The following SEMA6A variants were observed in gnomAD, a reference collection of about 807,000 sequenced individuals.
SEMA6A encodes the protein semaphorin-6A.
In SEMA6A, 25 loss-of-function variants were observed where a neutral mutation model predicts 96.8. The observed-to-expected ratio is 0.26, with a 90% confidence interval of 0.19 to 0.36. The LOEUF (loss-of-function observed/expected upper bound fraction) is 0.36, where lower values mean the gene tolerates loss of function less well. Among genes scored for constraint, SEMA6A ranks in the 10% least tolerant of loss-of-function variants. The pLI is 1.00. For missense variants in SEMA6A, 1,363 were observed against 1,323.1 expected (o/e 1.03, Z -0.47); for synonymous variants, 612 against 518.0 (o/e 1.18, Z -2.46).
chr5:116,506,254 C>T (rs892853040), intron 1 of SEMA6A, among the ~76,000 whole-genome samples: 1 of 152,194 alleles, frequency 6.6e-6, no homozygotes, highest in Non-Finnish European at 1.5e-5. Context: ...TATAATTTCA[C>T]ACACACAGCT....
At chr5:116,565,115 G>A (rs754675940) in intron 1 of SEMA6A, among the ~76,000 whole-genome samples, 1 of 152,172 alleles carries the variant, frequency 6.6e-6, no homozygotes, top group Non-Finnish European at 1.5e-5. Flanking sequence ...AGTGACATCA[G>A]CCTCTGTACT....
intron 1 of SEMA6A, among the ~76,000 whole-genome samples, chr5:116,514,856 T>C (rs1363169047): frequency 6.6e-6 from 1 of 152,194 alleles, no homozygotes; most frequent in African/African-American, 2.4e-5. Context: ...TCCCCTTGCA[T>C]CACCCCCAGG....
intron 1 of SEMA6A, among the ~76,000 whole-genome samples, chr5:116,552,708 T>C (rs1459011948): frequency 6.6e-6 from 1 of 152,198 alleles, no homozygotes; most frequent in Non-Finnish European, 1.5e-5. Flanking sequence ...GGGACAGCTA[T>C]GGAAAAGCCT....
At chr5:116,449,075 G>A (rs188169091) in intron 18 of SEMA6A, among the ~76,000 whole-genome samples, 2,630 of 150,704 alleles carry the variant, frequency 0.017, 32 homozygotes, top group Non-Finnish European at 0.029. Flanking sequence ...CAGCCACCCA[G>A]CTGAGTGACT....
At position 116,489,739 on chromosome 5, in the gene SEMA6A, A is replaced by T. The variant is rs1294945156; in HGVS notation, c.536-732T>A. Among the ~76,000 whole-genome samples the T allele has an allele frequency of 2.0e-5, 3 of 152,262 alleles. No homozygotes were observed. The East Asian group carries it at 5.8e-4, about 29-fold the overall frequency. ...TCTTTAGTAATTCATGCTTTGGGGGAGATACGATTGAGGGTAGATCCCAGG... is the reference window on the plus strand; with the variant it reads ...TCTTTAGTAATTCATGCTTTGGGGGTGATACGATTGAGGGTAGATCCCAGG... On this transcript the variant is annotated intron_variant, in intron 7 of 18. Transcript: ENST00000343348.
chr5:116,505,927 G>A (rs148890233), intron 1 of SEMA6A, among the ~76,000 whole-genome samples: 1 of 151,444 alleles, frequency 6.6e-6, no homozygotes, highest in Admixed American at 6.6e-5. Flanking sequence ...TAATTCTCAG[G>A]CATATTGCAA....
chr5:116,478,845 T>C (rs1222697266), intron 12 of SEMA6A, 127 bp from the exon 13 acceptor site: 1 of 898,186 alleles, frequency 1.1e-6, no homozygotes, highest in Non-Finnish European at 1.7e-6. Context: ...TGCATATAAA[T>C]AATGTTCTCA....
At chr5:116,562,928 T>C (rs1454505072) in intron 1 of SEMA6A, 3 of 588,590 alleles carry the variant, frequency 5.1e-6, no homozygotes, top group African/African-American at 3.8e-5. Context: ...CCCTCGGGTA[T>C]GAAGATGGGG....
Position 116,446,902 on chromosome 5 carries a change from T to C in SEMA6A, c.2804A>G (p.Lys935Arg). The C allele has an allele frequency of 6.2e-7, 1 of 1,613,938 alleles. No individual in the cohort carries two copies. The highest frequency in any genetic ancestry group is 8.5e-7 in the Non-Finnish European group (1 of 1,179,884). Residue 935 changes from lysine to arginine, a missense_variant, in exon 19 of 19, where the codon AAA becomes AGA. Coordinates refer to ENST00000343348, the MANE Select transcript of SEMA6A (RefSeq NM_020796.5). ...LTRSHQATTLKRNNTNSSNSS... is the reference protein window; with the variant it reads ...LTRSHQATTLRRNNTNSSNSS... ...ATTGGAGGAGTTAGTGTTGTTTCTT[T>C]TGAGAGTGGTGGCCTGGTGGCTTCT...
intron 1 of SEMA6A, among the ~76,000 whole-genome samples, chr5:116,548,936 G>A (rs1018136810): frequency 2.1e-4 from 32 of 152,312 alleles, no homozygotes; most frequent in African/African-American, 7.0e-4. Context: ...AACAAGTAAA[G>A]CATGATCTTG....
At chr5:116,475,987 T>C (rs1423748502) in intron 15 of SEMA6A, among the ~76,000 whole-genome samples, 1 of 152,220 alleles carries the variant, frequency 6.6e-6, no homozygotes, top group African/African-American at 2.4e-5. Context: ...TTTTTTTCTC[T>C]ATTCTCTTTT....
At chr5:116,534,866 GGACT>G (rs1171139108) in intron 1 of SEMA6A, among the ~76,000 whole-genome samples, 4 of 152,086 alleles carry the variant, frequency 2.6e-5, no homozygotes, top group African/African-American at 9.7e-5. Flanking sequence ...TTCTGCAGAA[GGACT>G]GTCTAGAAGG....
At chr5:116,547,734 T>TAAAAAAA (rs34908253) in intron 1 of SEMA6A, among the ~76,000 whole-genome samples, 45 of 65,532 alleles carry the variant, frequency 6.9e-4, no homozygotes, top group East Asian at 1.1e-3. Context: ...ATCTGATACT[T>TAAAAAAA]AAAAAAAAAA....
chr5:116,458,748 C>G (rs1755175301), intron 18 of SEMA6A, among the ~76,000 whole-genome samples: 1 of 151,906 alleles, frequency 6.6e-6, no homozygotes, highest in African/African-American at 2.4e-5. Flanking sequence ...TTCCTGCTAC[C>G]CTTTCCACAA....
intron 4 of SEMA6A, 45 bp downstream of exon 4, chr5:116,497,282 T>A: frequency 1.7e-6 from 2 of 1,204,888 alleles, no homozygotes; most frequent in Non-Finnish European, 2.4e-6. Context: ...TCAAGAACTA[T>A]CCAAAGGTCC....
chr5:116,482,875 T>C (rs928527299), intron 10 of SEMA6A, among the ~76,000 whole-genome samples: 5 of 152,242 alleles, frequency 3.3e-5, no homozygotes, highest in African/African-American at 1.2e-4. Flanking sequence ...GAGCTAGTGA[T>C]AGAAGTTTCA....
intron 9 of SEMA6A, 58 bp downstream of exon 9, chr5:116,488,050 A>G: frequency 8.9e-7 from 1 of 1,122,972 alleles, no homozygotes; most frequent in Non-Finnish European, 1.3e-6. Context: ...ACATTTGACC[A>G]AAGGTGTGGG....
chr5:116,473,322 C>T (rs149766931), intron 16 of SEMA6A, among the ~76,000 whole-genome samples: 1 of 152,344 alleles, frequency 6.6e-6, no homozygotes, highest in East Asian at 1.9e-4. Flanking sequence ...CTGCCTTTGC[C>T]AAGAGGCAGA....
Position 116,443,823 on chromosome 5 carries a change from C to T in SEMA6A, c.*2790G>A, listed in dbSNP as rs1260557289. On this transcript the variant is annotated 3_prime_UTR_variant, in exon 19 of 19. Transcript: ENST00000343348. ...AGGCACACTCGGGTTTATGGACCCT[C>T]CCCCCACACACAGTGGGGAAAAAAA... 1 of 152,550 alleles carries T rather than the reference C, an allele frequency of 6.6e-6. No individual in the cohort carries two copies. The highest frequency in any genetic ancestry group is 1.5e-5 in the Non-Finnish European group (1 of 68,026). 9.4% of individuals were successfully genotyped at this position (152,550 alleles called of 1,614,324 possible).
Sources: gnomAD v4.1 joint callset for allele counts (sites outside exome capture counted in the v4.1 genomes callset) on GRCh38, gnomAD v4.1.1 for gene constraint, MANE v1.5 for transcripts, NCBI Gene and HGNC (gene_info 2026-07-23, HGNC 2026-07-21) for gene names.